Variants in PBX1 observed in about 807,000 individuals in gnomAD.
PBX1 encodes pre-B-cell leukemia transcription factor 1.
Under a neutral mutation model 53.4 loss-of-function variants are expected in PBX1, and 6 were observed. That is an observed-to-expected ratio of 0.11 (90% CI 0.06 to 0.22). The LOEUF (loss-of-function observed/expected upper bound fraction) is 0.22. PBX1 is among the 10% of genes least tolerant of loss of function. The pLI is 1.00. For synonymous variants in PBX1, 204 were observed against 212.3 expected, an observed-to-expected ratio of 0.96 and a Z score of 0.34; for missense variants, 251 against 551.4, an observed-to-expected ratio of 0.46 and a Z score of 5.46.
intron 2 of PBX1, chr1:164,639,818 A>G (rs943924686): frequency 2.0e-5 from 3 of 152,186 alleles, no homozygotes; most frequent in African/African-American, 7.2e-5. Context: ...ATGCACCACC[A>G]TGCCCAGCAA....
chr1:164,606,440 C>T (rs114853421), intron 2 of PBX1, among the ~76,000 whole-genome samples: 2,846 of 151,902 alleles, frequency 0.019, 31 homozygotes, highest in Middle Eastern at 0.024. Flanking sequence ...CAGTGAGCTA[C>T]GAAAATTGTT....
chr1:164,635,977 C>T (rs1186087488), intron 2 of PBX1, among the ~76,000 whole-genome samples: 1 of 152,090 alleles, frequency 6.6e-6, no homozygotes, highest in Non-Finnish European at 1.5e-5. Context: ...TCACATGAGG[C>T]TGGCTGGGTT....
chr1:164,772,066 TTC>T (rs1667404632), intron 2 of PBX1, among the ~76,000 whole-genome samples: 1 of 152,208 alleles, frequency 6.6e-6, no homozygotes, highest in African/African-American at 2.4e-5. Context: ...TGTTCATCCT[TTC>T]TCAGGAAAGC....
intron 2 of PBX1, among the ~76,000 whole-genome samples, chr1:164,739,789 GTATGTA>G (rs1665507508): frequency 6.9e-6 from 1 of 144,754 alleles, no homozygotes. Context: ...GTGTGTGTGT[GTATGTA>G]TATTATCTCC....
intron 2 of PBX1, among the ~76,000 whole-genome samples, chr1:164,585,211 G>A (rs1259828931): frequency 6.6e-6 from 1 of 152,110 alleles, no homozygotes; most frequent in East Asian, 1.9e-4. Flanking sequence ...TCTTCCTGGG[G>A]AAGAGTGAAA....
intron 2 of PBX1, among the ~76,000 whole-genome samples, chr1:164,593,866 T>C (rs562764889): frequency 1.3e-5 from 2 of 152,224 alleles, no homozygotes; most frequent in East Asian, 3.9e-4. Context: ...TCTCGAGAGA[T>C]TGAGCTCCTG....
At chr1:164,710,570 C>T (rs1663698598) in intron 2 of PBX1, among the ~76,000 whole-genome samples, 3 of 152,090 alleles carry the variant, frequency 2.0e-5, no homozygotes, top group Admixed American at 2.0e-4. Context: ...CACCACCACA[C>T]CTGGCTAATT....
At chr1:164,564,487 T>A (rs1653292385) in intron 2 of PBX1, among the ~76,000 whole-genome samples, 1 of 152,142 alleles carries the variant, frequency 6.6e-6, no homozygotes, top group African/African-American at 2.4e-5. Flanking sequence ...AGTTTCAAGA[T>A]GTGACTGTTG....
chr1:164,701,306 C>T (rs1453489797), intron 2 of PBX1, among the ~76,000 whole-genome samples: 2 of 152,140 alleles, frequency 1.3e-5, no homozygotes, highest in Admixed American at 6.5e-5. Context: ...ATTTTTTGAA[C>T]TTCACCAATT....
At chr1:164,609,701 G>T (rs1298815775) in intron 2 of PBX1, among the ~76,000 whole-genome samples, 3 of 152,128 alleles carry the variant, frequency 2.0e-5, no homozygotes, top group Non-Finnish European at 4.4e-5. Context: ...GTTGCGCTTG[G>T]TAAGAGCCTT....
At chr1:164,702,386 A>C (rs1230795071) in intron 2 of PBX1, among the ~76,000 whole-genome samples, 3 of 152,310 alleles carry the variant, frequency 2.0e-5, no homozygotes, top group Non-Finnish European at 4.4e-5. Context: ...GTATTGACTC[A>C]GCCTTATTTG....
chr1:164,788,246 T>C (rs116276768), intron 2 of PBX1, among the ~76,000 whole-genome samples: 1,763 of 152,320 alleles, frequency 0.012, 18 homozygotes, highest in Middle Eastern at 0.024. Context: ...GAGTCTTGCA[T>C]GGTGCTGCAG....
intron 2 of PBX1, among the ~76,000 whole-genome samples, chr1:164,704,705 G>A (rs1195425533): frequency 6.6e-6 from 1 of 152,156 alleles, no homozygotes; most frequent in South Asian, 2.1e-4. Context: ...GTTAGCTTTC[G>A]TTATATCTTA....
chr1:164,848,463 T>C lies in PBX1; in HGVS notation c.*1787T>C. ...GTAAATGCGAAGTCAGGGGAAGTAA[T>C]GTCCCTGAAATAAACGGGTTCATGC... is the stretch of plus-strand genomic sequence containing the variant. On this transcript the variant is annotated 3_prime_UTR_variant, in exon 9 of 9. Transcript: ENST00000420696. 6 of 1,057,484 alleles carry C rather than the reference T, an allele frequency of 5.7e-6. No individual in the cohort carries two copies. Among genetic ancestry groups the C allele is most frequent in the Non-Finnish European group, 6.9e-6 (6 of 874,312 alleles). The allele number at this position is 1,057,484 out of a possible 1,614,324, so 65.5% of individuals were successfully genotyped here. A position where few individuals can be genotyped will look rare whatever the true frequency, so the allele number is the denominator to read the frequency against.
intron 2 of PBX1, among the ~76,000 whole-genome samples, chr1:164,701,211 T>A (rs1404651290): frequency 6.6e-6 from 1 of 152,186 alleles, no homozygotes; most frequent in African/African-American, 2.4e-5. Context: ...AAAGTTAGAA[T>A]GAGGCAGAGC....
At chr1:164,797,404 A>G (rs1668842035) in intron 3 of PBX1, among the ~76,000 whole-genome samples, 1 of 152,110 alleles carries the variant, frequency 6.6e-6, no homozygotes, top group African/African-American at 2.4e-5. Context: ...TCCACTCTCC[A>G]TCCTGTGGTC....
chr1:164,723,397 A>G (rs2102113068), intron 2 of PBX1, among the ~76,000 whole-genome samples: 3 of 152,242 alleles, frequency 2.0e-5, no homozygotes, highest in Middle Eastern at 6.8e-3. Flanking sequence ...CAGTCTCGCA[A>G]ACACTGGGAG....
At chr1:164,571,021 C>T (rs1166233407) in intron 2 of PBX1, among the ~76,000 whole-genome samples, 1 of 152,158 alleles carries the variant, frequency 6.6e-6, no homozygotes, top group Non-Finnish European at 1.5e-5. Flanking sequence ...TGAGAAGTGT[C>T]TGTTCATATC....
intron 2 of PBX1, among the ~76,000 whole-genome samples, chr1:164,756,081 T>C (rs1666503744): frequency 6.6e-6 from 1 of 152,164 alleles, no homozygotes; most frequent in Non-Finnish European, 1.5e-5. Flanking sequence ...AATTAATATC[T>C]GTGCTGGCAC....
Sources: allele counts gnomAD v4.1 joint callset (sites outside exome capture counted in the v4.1 genomes callset), GRCh38; gene constraint gnomAD v4.1.1; transcripts MANE v1.5; gene names NCBI Gene and HGNC (gene_info 2026-07-23, HGNC 2026-07-21).